The following FGGY variants were observed in gnomAD, a reference collection of about 807,000 sequenced individuals.
FGGY encodes the protein FGGY carbohydrate kinase domain-containing protein.
FGGY carries 72 observed loss-of-function variants against 71.3 expected under a neutral mutation model. The ratio of observed to expected loss-of-function variants is 1.01; its 90% CI spans 0.84 to 1.23. FGGY has a LOEUF of 1.23. Ranked by LOEUF, FGGY falls within the 50% of genes most tolerant of loss-of-function variation. FGGY has a pLI of 0.00. For missense variants in FGGY, 668 were observed against 682.3 expected (o/e 0.98, Z 0.23); for synonymous variants, 251 against 250.3 (o/e 1.00, Z -0.02).
chr1:59,400,166 T>A (rs1203267690), intron 5 of FGGY, among the ~76,000 whole-genome samples: 2 of 152,216 alleles, frequency 1.3e-5, no homozygotes, highest in African/African-American at 4.8e-5. Context: ...CAGCCTGTAT[T>A]TTCTGTCTTA....
intron 14 of FGGY, among the ~76,000 whole-genome samples, chr1:59,730,614 C>T (rs749309554): frequency 5.3e-5 from 8 of 152,110 alleles, no homozygotes; most frequent in Non-Finnish European, 7.4e-5. Flanking sequence ...ACATCAGGTG[C>T]CTACATTATT....
At chr1:59,614,195 A>T (rs1291025619) in intron 9 of FGGY, among the ~76,000 whole-genome samples, 1 of 152,186 alleles carries the variant, frequency 6.6e-6, no homozygotes, top group African/African-American at 2.4e-5. Context: ...GACACAACTA[A>T]AAAAGAGAAT....
chr1:59,733,461 G>GT (rs139679887), intron 14 of FGGY, among the ~76,000 whole-genome samples: 39 of 145,096 alleles, frequency 2.7e-4, no homozygotes, highest in Middle Eastern at 3.5e-3. Context: ...GTTTTGTTTT[G>GT]TTTTTTTGTT....
At chr1:59,556,787 G>C (rs1204528808) in intron 8 of FGGY, among the ~76,000 whole-genome samples, 1 of 152,214 alleles carries the variant, frequency 6.6e-6, no homozygotes, top group Admixed American at 6.5e-5. Flanking sequence ...AAAAATGGTG[G>C]AGATTGTTAT....
chr1:59,403,068 C>T (rs1410130283), intron 5 of FGGY, among the ~76,000 whole-genome samples: 3 of 152,008 alleles, frequency 2.0e-5, no homozygotes, highest in African/African-American at 4.8e-5. Flanking sequence ...TGGATGGGGC[C>T]CCTCTTAAAG....
In FGGY at chr1:59,526,106, G is replaced by A. The variant is rs546750600; in HGVS notation, c.799+13667G>A. On this transcript the variant is annotated intron_variant, in intron 7 of 15. Coordinates refer to ENST00000303721, the MANE Select transcript of FGGY (RefSeq NM_018291.5). ...TTGTGATGTGTTTATGTGTATGTGT[G>A]TATATTCTAATGTTCATGAGTGTAT... Among the ~76,000 whole-genome samples the A allele has an allele frequency of 1.8e-4, 27 of 152,282 alleles. No homozygotes were observed. In the South Asian group the frequency reaches 4.1e-3, roughly 23 times the overall value.
chr1:59,667,226 T>C lies in FGGY; in HGVS notation c.1297-57T>C, dbSNP rs552776456. The C allele has an allele frequency of 2.0e-5, 32 of 1,609,034 alleles. No homozygotes were observed. In the South Asian group the frequency reaches 3.4e-4, roughly 17 times the overall value. ...CACTGAGTAGACATTTAAGAAGTGTTCCCTAGTGTTTACTTTTGTGACTAT... is the reference window on the plus strand; with the variant it reads ...CACTGAGTAGACATTTAAGAAGTGTCCCCTAGTGTTTACTTTTGTGACTAT... On this transcript the variant is annotated intron_variant, in intron 12 of 15. Transcript: ENST00000303721.
At chr1:59,750,651 G>A (rs1466463066) in intron 14 of FGGY, among the ~76,000 whole-genome samples, 1 of 152,114 alleles carries the variant, frequency 6.6e-6, no homozygotes, top group African/African-American at 2.4e-5. Flanking sequence ...ATTCATGGGG[G>A]TTACACAGAA....
At chr1:59,472,368 C>G (rs2092998048) in intron 6 of FGGY, among the ~76,000 whole-genome samples, 1 of 152,234 alleles carries the variant, frequency 6.6e-6, no homozygotes, top group Admixed American at 6.5e-5. Flanking sequence ...GAGCCTCCCC[C>G]TGTTCCGTGG....
chr1:59,741,814 C>G (rs947228194), intron 14 of FGGY, among the ~76,000 whole-genome samples: 1 of 151,984 alleles, frequency 6.6e-6, no homozygotes, highest in Non-Finnish European at 1.5e-5. Flanking sequence ...TGGCAGGCAC[C>G]TGTAGTCCCA....
At chr1:59,363,005 A>C (rs781246752) in intron 4 of FGGY, among the ~76,000 whole-genome samples, 27 of 152,194 alleles carry the variant, frequency 1.8e-4, no homozygotes, top group Non-Finnish European at 3.4e-4. Flanking sequence ...TAGATGAATG[A>C]ATTATAGTTC....
chr1:59,571,870 A>T (rs1410437679), intron 8 of FGGY, among the ~76,000 whole-genome samples: 2 of 152,204 alleles, frequency 1.3e-5, no homozygotes, highest in East Asian at 3.9e-4. Context: ...TTTCATTCAT[A>T]GAAAATTCAA....
chr1:59,592,468 A>G (rs1269655615), intron 8 of FGGY, among the ~76,000 whole-genome samples: 2 of 152,216 alleles, frequency 1.3e-5, no homozygotes, highest in East Asian at 1.9e-4. Context: ...TCATGCTGGT[A>G]TAAAGACACA....
chr1:59,478,472 G>C (rs2093350912), intron 6 of FGGY, among the ~76,000 whole-genome samples: 2 of 152,152 alleles, frequency 1.3e-5, no homozygotes, highest in South Asian at 2.1e-4. Context: ...GTTATAAGCT[G>C]TCTGAAACAT....
At chr1:59,531,799 A>G (rs2095152035) in intron 7 of FGGY, among the ~76,000 whole-genome samples, 1 of 152,200 alleles carries the variant, frequency 6.6e-6, no homozygotes, top group Admixed American at 6.5e-5. Context: ...AGTCAGTGTA[A>G]ACTAAAAATA....
At chr1:59,355,996 A>C (rs1411993480) in intron 4 of FGGY, among the ~76,000 whole-genome samples, 2 of 152,068 alleles carry the variant, frequency 1.3e-5, no homozygotes, top group African/African-American at 4.8e-5. Flanking sequence ...AATTCAGATT[A>C]TTTATTTTCC....
chr1:59,671,570 C>A (rs1367759673), intron 13 of FGGY, among the ~76,000 whole-genome samples: 1 of 152,090 alleles, frequency 6.6e-6, no homozygotes, highest in Non-Finnish European at 1.5e-5. Flanking sequence ...GTCTTAGAGG[C>A]AAATGGAAGC....
chr1:59,737,072 G>A (rs1037615752), intron 14 of FGGY, among the ~76,000 whole-genome samples: 2 of 152,280 alleles, frequency 1.3e-5, no homozygotes, highest in East Asian at 3.8e-4. Context: ...AAAGGCGCAA[G>A]CCTCAAGCCT....
intron 10 of FGGY, among the ~76,000 whole-genome samples, chr1:59,631,321 T>C (rs2096906646): frequency 6.6e-6 from 1 of 152,238 alleles, no homozygotes; most frequent in Admixed American, 6.5e-5. Context: ...GCTCTTGACT[T>C]CATTTCTGTC....
Sources: allele counts gnomAD v4.1 joint callset (sites outside exome capture counted in the v4.1 genomes callset), GRCh38; gene constraint gnomAD v4.1.1; transcripts MANE v1.5; gene names NCBI Gene and HGNC (gene_info 2026-07-23, HGNC 2026-07-21).